The following KCNN2 variants were observed in gnomAD, a reference collection of about 807,000 sequenced individuals.
KCNN2 encodes the protein small conductance calcium-activated potassium channel protein 2.
KCNN2 carries 24 observed loss-of-function variants against 55.5 expected under a neutral mutation model. That is an observed-to-expected ratio of 0.43 (90% CI 0.31 to 0.61). The LOEUF is 0.61. KCNN2 is among the 20% of genes least tolerant of loss of function. The pLI, the probability that KCNN2 is intolerant of heterozygous loss-of-function variation, is 0.08. For synonymous variants in KCNN2, 431 were observed against 336.1 expected (o/e 1.28, Z -3.09); for missense variants, 754 against 853.6 (o/e 0.88, Z 1.45).
Position 114,472,991 on chromosome 5 carries a change from A to T in KCNN2, c.1780-63A>T, listed in dbSNP as rs377347924. On this transcript the variant is annotated intron_variant, in intron 4 of 7. Coordinates refer to ENST00000673685, the MANE Select transcript of KCNN2 (RefSeq NM_021614.4). ...TTGCATTTGATGCAAAACATTTTCT[A>T]ATGTGTCTGAGACAGAAAGTAGTTA... 90 of 902,388 alleles carry T rather than the reference A, an allele frequency of 1.0e-4. 1 individual carries two copies. The African/African-American group carries it at 1.3e-3, about 13-fold the overall frequency. The allele number at this position is 902,388 out of a possible 1,614,324, so 55.9% of individuals were successfully genotyped here.
chr5:114,431,851 G>C (rs1561379703), intron 3 of KCNN2, among the ~76,000 whole-genome samples: 2 of 152,000 alleles, frequency 1.3e-5, no homozygotes, highest in Non-Finnish European at 2.9e-5. Flanking sequence ...TACTATTTCA[G>C]AGTTTATTGT....
chr5:114,281,013 C>A (rs1376970958), intron 2 of KCNN2, among the ~76,000 whole-genome samples: 2 of 152,118 alleles, frequency 1.3e-5, no homozygotes, highest in Non-Finnish European at 2.9e-5. Context: ...ATACCCTACA[C>A]CCCATATAGT....
At chr5:114,487,519 C>T (rs1021522478) in intron 6 of KCNN2, among the ~76,000 whole-genome samples, 1 of 152,114 alleles carries the variant, frequency 6.6e-6, no homozygotes, top group African/African-American at 2.4e-5. Context: ...AACATAGCTT[C>T]AAACATATTT....
At chr5:114,330,276 T>C (rs1178256298) in intron 2 of KCNN2, among the ~76,000 whole-genome samples, 1 of 152,194 alleles carries the variant, frequency 6.6e-6, no homozygotes, top group Non-Finnish European at 1.5e-5. Flanking sequence ...GGATGAGATC[T>C]GTCCTCAGGT....
chr5:114,329,440 T>C (rs1386502378), intron 2 of KCNN2, among the ~76,000 whole-genome samples: 2 of 152,154 alleles, frequency 1.3e-5, no homozygotes, highest in African/African-American at 2.4e-5. Context: ...ACTTGCTGAG[T>C]CTTACAGCCT....
intron 1 of KCNN2, among the ~76,000 whole-genome samples, chr5:114,202,585 A>ATTTTTTTTT (rs34199170): frequency 3.3e-5 from 3 of 92,134 alleles, no homozygotes; most frequent in Non-Finnish European, 3.9e-5. Context: ...ATATATATAT[A>ATTTTTTTTT]TTTTTTTTTT....
At chr5:114,479,764 C>T (rs1762140931) in intron 5 of KCNN2, among the ~76,000 whole-genome samples, 1 of 152,134 alleles carries the variant, frequency 6.6e-6, no homozygotes, top group African/African-American at 2.4e-5. Flanking sequence ...AATTGAACAG[C>T]CGGCTCCTGA....
chr5:114,243,124 C>T (rs1361313687), intron 2 of KCNN2, among the ~76,000 whole-genome samples: 2 of 152,050 alleles, frequency 1.3e-5, no homozygotes, highest in Non-Finnish European at 2.9e-5. Flanking sequence ...ATATTTTATA[C>T]TGCATAAAAA....
At chr5:114,092,129 TTACTTAC>T (rs1422082735) in intron 1 of KCNN2, among the ~76,000 whole-genome samples, 29 of 152,240 alleles carry the variant, frequency 1.9e-4, no homozygotes, top group African/African-American at 7.0e-4. Flanking sequence ...AGCCAGTTAG[TTACTTAC>T]AAGATATAAT....
At chr5:114,262,776 C>G (rs1013469955) in intron 2 of KCNN2, among the ~76,000 whole-genome samples, 20 of 152,100 alleles carry the variant, frequency 1.3e-4, no homozygotes, top group African/African-American at 4.6e-4. Flanking sequence ...GACAGCGTGC[C>G]TGGATTCTCC....
chr5:114,366,557 T>G (rs779411343), intron 2 of KCNN2, among the ~76,000 whole-genome samples: 4 of 152,174 alleles, frequency 2.6e-5, no homozygotes, highest in Non-Finnish European at 5.9e-5. Flanking sequence ...GACCCTGAAC[T>G]GGAAGTCAAG....
intron 1 of KCNN2, among the ~76,000 whole-genome samples, chr5:114,157,770 T>G (rs1408999715): frequency 1.3e-5 from 2 of 152,142 alleles, no homozygotes; most frequent in Admixed American, 6.5e-5. Context: ...TGATGAGCAT[T>G]TTTTCATGTG....
At position 114,241,824 on chromosome 5, in the gene KCNN2, GTATATATATA is replaced by G. The variant is rs70976327; in HGVS notation, c.-185+20271_-185+20280del. ...TATATACGTATATATATATATGTGTGTATATATATATATATATATATGGAGTGTGAAGGAC... is the reference window on the plus strand; with the variant it reads ...TATATACGTATATATATATATGTGTGTATATATATATGGAGTGTGAAGGAC... On this transcript the variant is annotated intron_variant, in intron 2 of 10. Transcript: ENST00000512097. Among the ~76,000 whole-genome samples the G allele has an allele frequency of 7.5e-4, 24 of 31,972 alleles. 4 individuals carry two copies. Among genetic ancestry groups the G allele is most frequent in the African/African-American group, 9.9e-4 (9 of 9,110 alleles). 21.0% of individuals were successfully genotyped at this position (31,972 alleles called of 152,430 possible).
intron 1 of KCNN2, among the ~76,000 whole-genome samples, chr5:114,213,393 T>A (rs892743886): frequency 6.6e-6 from 1 of 151,374 alleles, no homozygotes; most frequent in Non-Finnish European, 1.5e-5. Flanking sequence ...TCTTCCTTGG[T>A]TTCTCTTTTT....
At chr5:114,215,717 C>T (rs539586003) in intron 1 of KCNN2, among the ~76,000 whole-genome samples, 3 of 152,050 alleles carry the variant, frequency 2.0e-5, no homozygotes, top group Non-Finnish European at 2.9e-5. Flanking sequence ...TGGCAATAAT[C>T]GACTGTTTTC....
intron 1 of KCNN2, among the ~76,000 whole-genome samples, chr5:114,110,071 TC>T (rs1751564780): frequency 6.6e-6 from 1 of 152,036 alleles, no homozygotes; most frequent in South Asian, 2.1e-4. Context: ...ATAATGTTAC[TC>T]CCCTCTAATG....
At chr5:114,361,548 T>A (rs1375511474), upstream of KCNN2, among the ~76,000 whole-genome samples, 2 of 152,294 alleles carry the variant, frequency 1.3e-5, no homozygotes, top group East Asian at 3.9e-4. Flanking sequence ...CGGGATGATC[T>A]GGGAGAAGCG....
intron 1 of KCNN2, among the ~76,000 whole-genome samples, chr5:114,176,949 T>A (rs1032271908): frequency 5.9e-5 from 9 of 152,156 alleles, no homozygotes; most frequent in Non-Finnish European, 1.2e-4. Flanking sequence ...TACTTCCTTT[T>A]TCTTTTTAAA....
intron 2 of KCNN2, among the ~76,000 whole-genome samples, chr5:114,393,974 AT>A (rs1561604657): frequency 6.1e-4 from 25 of 40,784 alleles, no homozygotes; most frequent in Non-Finnish European, 1.2e-3. Context: ...ACAAATAATC[AT>A]GTACATTCAC....
Sources: gnomAD v4.1 joint callset for allele counts (sites outside exome capture counted in the v4.1 genomes callset) on GRCh38, gnomAD v4.1.1 for gene constraint, MANE v1.5 for transcripts, NCBI Gene and HGNC (gene_info 2026-07-23, HGNC 2026-07-21) for gene names.